The following GLIS1 variants were observed in gnomAD, a reference collection of about 807,000 sequenced individuals.
The protein encoded by GLIS1 is zinc finger protein GLIS1.
In GLIS1, 24 loss-of-function variants were observed where a neutral mutation model predicts 63.8. That is an observed-to-expected ratio of 0.38 (90% CI 0.27 to 0.53). The LOEUF is 0.53. Ranked by LOEUF, GLIS1 falls within the 20% of genes least tolerant of loss-of-function variation. GLIS1 has a pLI of 0.85. For missense variants in GLIS1, 1,036 were observed against 1,074.1 expected, an observed-to-expected ratio of 0.96 and a Z score of 0.50; for synonymous variants, 450 against 482.5, an observed-to-expected ratio of 0.93 and a Z score of 0.88.
At chr1:53,602,020 C>T (rs1328840045) in intron 2 of GLIS1, among the ~76,000 whole-genome samples, 1 of 152,150 alleles carries the variant, frequency 6.6e-6, no homozygotes, top group Non-Finnish European at 1.5e-5. Context: ...TCCACGTTCC[C>T]AGCCACACGC....
At chr1:53,513,332 C>A (rs1219392965) in intron 8 of GLIS1, among the ~76,000 whole-genome samples, 1 of 152,182 alleles carries the variant, frequency 6.6e-6, no homozygotes, top group African/African-American at 2.4e-5. Flanking sequence ...GCGTCCTCAT[C>A]CCCAAACCTG....
At chr1:53,508,405 C>T (rs1286577521) in intron 10 of GLIS1, among the ~76,000 whole-genome samples, 1 of 152,182 alleles carries the variant, frequency 6.6e-6, no homozygotes, top group African/African-American at 2.4e-5. Context: ...GCCTCTGGGG[C>T]GGGTCTCAGG....
chr1:53,519,111 A>G (rs1196537801), intron 7 of GLIS1, among the ~76,000 whole-genome samples: 1 of 152,204 alleles, frequency 6.6e-6, no homozygotes, highest in Admixed American at 6.5e-5. Flanking sequence ...ACCATTTGTT[A>G]GGAGCTGGCA....
chr1:53,537,343 G>T (rs1644591140), intron 4 of GLIS1, among the ~76,000 whole-genome samples: 1 of 152,236 alleles, frequency 6.6e-6, no homozygotes, highest in South Asian at 2.1e-4. Flanking sequence ...CCCCAGCACA[G>T]TGCCTGGCGT....
chr1:53,579,677 C>T (rs576702283), intron 4 of GLIS1, among the ~76,000 whole-genome samples: 13 of 152,370 alleles, frequency 8.5e-5, no homozygotes, highest in East Asian at 1.9e-4. Flanking sequence ...TCCCCCAGTA[C>T]GCAAGCTGTG....
chr1:53,517,947 G>A (rs1416247530), intron 7 of GLIS1, among the ~76,000 whole-genome samples: 2 of 152,238 alleles, frequency 1.3e-5, no homozygotes, highest in Admixed American at 1.3e-4. Context: ...GGACTGCGAG[G>A]GGCAGCGGAA....
At chr1:53,687,668 G>A (rs908017850) in intron 2 of GLIS1, among the ~76,000 whole-genome samples, 3 of 152,256 alleles carry the variant, frequency 2.0e-5, no homozygotes, top group East Asian at 1.9e-4. Context: ...AGCCCCCGCC[G>A]CCCACCACCC....
chr1:53,694,548 G>T (rs561426635), intron 2 of GLIS1, among the ~76,000 whole-genome samples: 16 of 152,260 alleles, frequency 1.1e-4, no homozygotes, highest in African/African-American at 3.4e-4. Flanking sequence ...CATGCAGAGG[G>T]GGCCCTGCTG....
chr1:53,649,677 C>T (rs556467529), intron 2 of GLIS1, among the ~76,000 whole-genome samples: 3 of 152,128 alleles, frequency 2.0e-5, no homozygotes, highest in African/African-American at 7.2e-5. Context: ...TCATTTCAGA[C>T]GGTTCATCTT....
At chr1:53,722,549 G>A (rs910377356) in intron 2 of GLIS1, among the ~76,000 whole-genome samples, 1 of 152,046 alleles carries the variant, frequency 6.6e-6, no homozygotes, top group African/African-American at 2.4e-5. Context: ...TTAATAAAAC[G>A]TAATATGCAG....
In GLIS1 at chr1:53,511,560, G is replaced by A. The variant is rs372847633; in HGVS notation, c.1884-1533C>T. On this transcript the variant is annotated intron_variant, in intron 8 of 10. Coordinates refer to ENST00000628545, the MANE Select transcript of GLIS1 (RefSeq NM_001367484.1). The surrounding 1 kb of genome is among the most constrained non-coding windows in gnomAD (Gnocchi z 4.2). Reference sequence around the variant, plus strand: ...GGCCTCGGTGCTGGGTCCCTGGCCCGGCCACTGATACACTGTGGGTCCCTG... The same window carrying A: ...GGCCTCGGTGCTGGGTCCCTGGCCCAGCCACTGATACACTGTGGGTCCCTG... 8.5e-5 allele frequency among the ~76,000 whole-genome samples: 13 copies of A among 152,248 alleles called. No individual in the cohort carries two copies. Among genetic ancestry groups the A allele is most frequent in the Admixed American group, 3.9e-4 (6 of 15,296 alleles).
intron 6 of GLIS1, among the ~76,000 whole-genome samples, chr1:53,521,924 C>A (rs1291346471): frequency 3.9e-5 from 6 of 152,248 alleles, no homozygotes; most frequent in Admixed American, 3.9e-4. Flanking sequence ...TTCCCCAGGA[C>A]AAAACAGACC....
chr1:53,679,217 A>G (rs553468683), intron 2 of GLIS1, among the ~76,000 whole-genome samples: 1 of 152,290 alleles, frequency 6.6e-6, no homozygotes, highest in East Asian at 1.9e-4. Flanking sequence ...AACGGGCAGG[A>G]GAGAGGGAGG....
chr1:53,717,794 A>G (rs933066126), intron 2 of GLIS1, among the ~76,000 whole-genome samples: 1 of 152,136 alleles, frequency 6.6e-6, no homozygotes. Flanking sequence ...AAGCTTTGTG[A>G]GTACAGACAT....
chr1:53,628,604 ACT>A (rs541857937), intron 2 of GLIS1, among the ~76,000 whole-genome samples: 141 of 151,944 alleles, frequency 9.3e-4, no homozygotes, highest in African/African-American at 3.2e-3. Context: ...GAGGAACCTA[ACT>A]CTCAGAAGCC....
chr1:53,633,234 G>A (rs1320025642), intron 2 of GLIS1, among the ~76,000 whole-genome samples: 2 of 149,164 alleles, frequency 1.3e-5, no homozygotes, highest in Non-Finnish European at 3.0e-5. Flanking sequence ...TGTGACTGGA[G>A]GGGCGTGTGA....
intron 2 of GLIS1, among the ~76,000 whole-genome samples, chr1:53,724,493 AGG>A (rs1158086179): frequency 6.6e-6 from 1 of 152,146 alleles, no homozygotes; most frequent in African/African-American, 2.4e-5. Flanking sequence ...AAACATCACA[AGG>A]TAGTTTTAAG....
chr1:53,675,913 C>T (rs940675589), intron 2 of GLIS1, among the ~76,000 whole-genome samples: 1 of 150,666 alleles, frequency 6.6e-6, no homozygotes, highest in Non-Finnish European at 1.5e-5. Flanking sequence ...CCTCTCCCTA[C>T]CTGGCCCAGA....
At position 53,574,961 on chromosome 1, in the gene GLIS1, C is replaced by T. The variant is rs754266833; in HGVS notation, c.1320+19147G>A. 6.6e-6 allele frequency among the ~76,000 whole-genome samples: 1 copy of T among 152,130 alleles called. No homozygotes were observed. The highest frequency in any genetic ancestry group is 1.5e-5 in the Non-Finnish European group (1 of 68,034). ...CAGGGTGGGCAGCCCCGGTCTGAAC[C>T]TCACATCTCATCTGGGCCCTCACTG... On this transcript the variant is annotated intron_variant, in intron 4 of 10. Transcript: ENST00000628545. This position sits in a 1 kb window ranked among gnomAD's most constrained non-coding sequence, Gnocchi z 4.2.
Sources: allele counts gnomAD v4.1 joint callset (sites outside exome capture counted in the v4.1 genomes callset), GRCh38; gene constraint gnomAD v4.1.1; non-coding constraint Gnocchi (gnomAD v3.1); transcripts MANE v1.5; gene names NCBI Gene and HGNC (gene_info 2026-07-23, HGNC 2026-07-21).